Variants in MALT1 observed in about 807,000 individuals in gnomAD.
MALT1 encodes the protein mucosa-associated lymphoid tissue lymphoma translocation protein 1.
MALT1 carries 36 observed loss-of-function variants against 85.5 expected under a neutral mutation model. That is an observed-to-expected ratio of 0.42 (90% CI 0.32 to 0.56). The LOEUF (loss-of-function observed/expected upper bound fraction) is 0.56, where lower values mean the gene tolerates loss of function less well. MALT1 is among the 20% of genes least tolerant of loss of function. MALT1 has a pLI of 0.10. For missense variants in MALT1, 716 were observed against 981.6 expected, an observed-to-expected ratio of 0.73 and a Z score of 3.62; for synonymous variants, 359 against 361.3, an observed-to-expected ratio of 0.99 and a Z score of 0.07.
chr18:58,714,784 C>T (rs2054877440), intron 8 of MALT1, among the ~76,000 whole-genome samples: 1 of 126,514 alleles, frequency 7.9e-6, no homozygotes, highest in African/African-American at 2.5e-5. Flanking sequence ...TTCTGAAAGA[C>T]AATGATGGAA....
chr18:58,714,593 G>A (rs1261515917), intron 8 of MALT1, among the ~76,000 whole-genome samples: 3 of 152,144 alleles, frequency 2.0e-5, no homozygotes, highest in Non-Finnish European at 2.9e-5. Flanking sequence ...CATTGGCATC[G>A]TACAGGTCGG....
At chr18:58,716,874 TTCCTAGAAGA>T in intron 9 of MALT1, among the ~76,000 whole-genome samples, 1 of 152,284 alleles carries the variant, frequency 6.6e-6, no homozygotes, top group Middle Eastern at 3.4e-3. Flanking sequence ...ATAGAGCAAG[TTCCTAGAAGA>T]GATGATAGGG....
chr18:58,749,538 C>T lies in MALT1; in HGVS notation c.*1696C>T, dbSNP rs150771145. On this transcript the variant is annotated 3_prime_UTR_variant, in exon 17 of 17. Transcript: ENST00000649217. ...CATCTTGTTCAGCCTCAGCTGGGAA[C>T]ATGTGTACTGGGTGACTCAAATTTT... The T allele has an allele frequency of 1.8e-5, 4 of 217,710 alleles. No individual in the cohort carries two copies. The highest frequency in any genetic ancestry group is 9.0e-5 in the African/African-American group (4 of 44,596). 13.5% of individuals were successfully genotyped at this position (217,710 alleles called of 1,614,324 possible).
chr18:58,730,324 C>G (rs772446214), intron 10 of MALT1, among the ~76,000 whole-genome samples: 1 of 152,160 alleles, frequency 6.6e-6, no homozygotes, highest in Non-Finnish European at 1.5e-5. Flanking sequence ...CCTCCTTACC[C>G]CAGCCCCTGG....
At position 58,690,144 on chromosome 18, in the gene MALT1, G is replaced by A. The variant is rs535369536; in HGVS notation, c.377-6222G>A. ...GTCAGTGCCATTTTTCCAATAGCAT[G>A]TGCCTACTTCATATCTCTGTGTCAC... On this transcript the variant is annotated intron_variant, in intron 2 of 16. Coordinates refer to ENST00000649217, the MANE Select transcript of MALT1 (RefSeq NM_006785.4). Among the ~76,000 whole-genome samples the A allele has an allele frequency of 3.3e-5, 5 of 152,332 alleles. No individual in the cohort carries two copies. The East Asian group carries it at 5.8e-4, about 18-fold the overall frequency.
intron 4 of MALT1, among the ~76,000 whole-genome samples, chr18:58,706,356 C>T (rs542214458): frequency 2.0e-5 from 3 of 152,266 alleles, no homozygotes; most frequent in African/African-American, 7.2e-5. Context: ...GGCTTTTCAC[C>T]ATCTTGGCCA....
Position 58,752,003 on chromosome 18 carries a change from C to T in MALT1, c.*4161C>T, listed in dbSNP as rs974341840. 6.6e-6 allele frequency: 1 copy of T among 152,206 alleles called. No homozygotes were observed. The highest frequency in any genetic ancestry group is 2.4e-5 in the African/African-American group (1 of 41,444). The allele number at this position is 152,206 out of a possible 1,614,324, so 9.4% of individuals were successfully genotyped here. A position where few individuals can be genotyped will look rare whatever the true frequency, so the allele number is the denominator to read the frequency against. ...CCATTTAGACATTGCCTTCTTCCCC[C>T]ATCTCTAATGCCTCTTTTCAAATCT... is the stretch of plus-strand genomic sequence containing the variant. On this transcript the variant is annotated 3_prime_UTR_variant, in exon 17 of 17. Coordinates refer to ENST00000649217, the MANE Select transcript of MALT1 (RefSeq NM_006785.4).
At chr18:58,746,691 C>T (rs1568158621) in intron 16 of MALT1, among the ~76,000 whole-genome samples, 1 of 152,038 alleles carries the variant, frequency 6.6e-6, no homozygotes. Context: ...ATTTTAAAAA[C>T]AGCTTAAGCT....
At chr18:58,734,244 CTT>C in intron 11 of MALT1, 61 bp from the exon 12 acceptor site, 1 of 1,248,192 alleles carries the variant, frequency 8.0e-7, no homozygotes. Flanking sequence ...TATTTATACC[CTT>C]TTAAGAATGC....
At chr18:58,699,040 T>G (rs2054634894) in intron 3 of MALT1, among the ~76,000 whole-genome samples, 1 of 152,196 alleles carries the variant, frequency 6.6e-6, no homozygotes, top group Non-Finnish European at 1.5e-5. Flanking sequence ...TGAGAAGACT[T>G]CTTTCTGTAT....
chr18:58,714,181 A>T, intron 8 of MALT1, 72 bp downstream of exon 8: 1 of 719,268 alleles, frequency 1.4e-6, no homozygotes, highest in Non-Finnish European at 2.3e-6. Context: ...TACCGTAGGT[A>T]CTCTTTTGCT....
chr18:58,713,685 G>T (rs1457761405), intron 7 of MALT1, among the ~76,000 whole-genome samples: 1 of 152,156 alleles, frequency 6.6e-6, no homozygotes, highest in Non-Finnish European at 1.5e-5. Context: ...GAGAAATTAG[G>T]TATGGGGTAT....
intron 13 of MALT1, among the ~76,000 whole-genome samples, chr18:58,739,286 T>TA (rs973749350): frequency 3.3e-5 from 5 of 152,198 alleles, no homozygotes; most frequent in Admixed American, 2.6e-4. Flanking sequence ...TTTACTTTCT[T>TA]ATAGTATTTG....
rs76917840 is a variant in MALT1 at position 58,751,085 on chromosome 18, A to C, written c.*3243A>C. On this transcript the variant is annotated 3_prime_UTR_variant, in exon 17 of 17. Transcript: ENST00000649217. The stretch of plus-strand genomic sequence containing the variant: ...GCTTGGTATCCGCACTCCCAGTGTG[A>C]TAGCCTTTAGCCTCATGGGGTTGTT... The C allele has an allele frequency of 6.6e-6, 1 of 152,364 alleles. No individual in the cohort carries two copies. The highest frequency in any genetic ancestry group is 2.4e-5 in the African/African-American group (1 of 41,572). The allele number at this position is 152,364 out of a possible 1,614,324, so 9.4% of individuals were successfully genotyped here.
chr18:58,697,698 G>T (rs2054610441), intron 3 of MALT1, among the ~76,000 whole-genome samples: 2 of 152,200 alleles, frequency 1.3e-5, no homozygotes, highest in Admixed American at 1.3e-4. Flanking sequence ...TAGAAATGTA[G>T]GGGATGGAAA....
At chr18:58,693,434 A>G (rs931962215) in intron 2 of MALT1, among the ~76,000 whole-genome samples, 11 of 152,210 alleles carry the variant, frequency 7.2e-5, no homozygotes, top group Non-Finnish European at 8.8e-5. Context: ...ACAAAAAAGC[A>G]ATAAAAGATC....
At chr18:58,677,486 ATCCT>A (rs2054258546) in intron 1 of MALT1, 1 of 152,178 alleles carries the variant, frequency 6.6e-6, no homozygotes, top group South Asian at 2.1e-4. Context: ...AAAATTAGTA[ATCCT>A]TGTATTGTTT....
At chr18:58,713,655 A>G (rs2054862754) in intron 7 of MALT1, among the ~76,000 whole-genome samples, 1 of 152,238 alleles carries the variant, frequency 6.6e-6, no homozygotes, top group Non-Finnish European at 1.5e-5. Flanking sequence ...ACACTAGGCT[A>G]ACATAAGATG....
chr18:58,740,298 T>G (rs565292160), intron 13 of MALT1, among the ~76,000 whole-genome samples: 6 of 152,278 alleles, frequency 3.9e-5, no homozygotes, highest in African/African-American at 1.4e-4. Flanking sequence ...CTCTGTTGAT[T>G]TCTTCTACTT....
Sources: allele counts gnomAD v4.1 joint callset (sites outside exome capture counted in the v4.1 genomes callset), GRCh38; gene constraint gnomAD v4.1.1; transcripts MANE v1.5; gene names NCBI Gene and HGNC (gene_info 2026-07-23, HGNC 2026-07-21).